The following PTK2B variants were observed in gnomAD, a reference collection of about 807,000 sequenced individuals.
PTK2B encodes the protein protein-tyrosine kinase 2-beta.
A neutral mutation model predicts 142.9 loss-of-function variants in PTK2B; 71 were observed. That is an observed-to-expected ratio of 0.50 (90% CI 0.41 to 0.61). The LOEUF (loss-of-function observed/expected upper bound fraction) is 0.61. PTK2B is among the 20% of genes least tolerant of loss of function. The pLI is 0.00. For synonymous variants in PTK2B, 519 were observed against 503.4 expected (o/e 1.03, Z -0.42); for missense variants, 1,105 against 1,320.4 (o/e 0.84, Z 2.53).
At chr8:27,425,675 A>G (rs35609762) in intron 5 of PTK2B, among the ~76,000 whole-genome samples, 60,790 of 151,956 alleles carry the variant, frequency 0.4, 12,421 homozygotes, top group South Asian at 0.53. Context: ...TTGGTATTGT[A>G]TGTTCTATGG....
chr8:27,366,737 A>G (rs1294122864), intron 1 of PTK2B, among the ~76,000 whole-genome samples: 4 of 152,192 alleles, frequency 2.6e-5, no homozygotes, highest in African/African-American at 9.7e-5. Flanking sequence ...CACACACAAC[A>G]GAGGCTAGGA....
chr8:27,433,509 G>T lies in PTK2B; in HGVS notation c.1062G>T (p.Leu354=). The change falls in exon 11 of 31, where the codon CTG becomes CTT. Residue 354 remains leucine, a synonymous_variant. Transcript: ENST00000346049. ...MADLIDGYCR[L]QGEHQGSLII... ...ACCTCATAGACGGCTACTGCCGGCT[G>T]CAGGGTGAGCACCAAGGCTCTCTCA... is the stretch of plus-strand genomic sequence containing the variant. 1 of 1,614,194 alleles carries T rather than the reference G, an allele frequency of 6.2e-7. No individual in the cohort carries two copies. The highest frequency in any genetic ancestry group is 1.1e-5 in the South Asian group (1 of 91,086).
intron 1 of PTK2B, among the ~76,000 whole-genome samples, chr8:27,362,497 T>C (rs1805770960): frequency 6.6e-6 from 1 of 152,176 alleles, no homozygotes; most frequent in Non-Finnish European, 1.5e-5. Context: ...CTGTTTTTGC[T>C]GAGAGATGAC....
rs1811247719 is a variant in PTK2B at position 27,442,973 on chromosome 8, C to A, written c.2138C>A (p.Pro713His). ...TTGGAGCCCACAGCCTTCCAGGAAC[C>A]CCCACCCAAGGTAAGCCAAGCCATG... ...KILEPTAFQE[P>H]PPKPSRPKYR... is the part of the protein sequence containing the mutation. Residue 713 changes from proline (P) to histidine (H), a missense_variant, in exon 22 of 31, where the codon CCC becomes CAC. Coordinates refer to ENST00000346049, the MANE Select transcript of PTK2B (RefSeq NM_173176.3). The A allele has an allele frequency of 1.9e-6, 3 of 1,613,564 alleles. No homozygotes were observed. The highest frequency in any genetic ancestry group is 2.5e-6 in the Non-Finnish European group (3 of 1,179,524).
chr8:27,413,401 G>T (rs1358724348), intron 2 of PTK2B, among the ~76,000 whole-genome samples: 2 of 152,202 alleles, frequency 1.3e-5, no homozygotes, highest in Non-Finnish European at 2.9e-5. Context: ...TGTTTTTCCT[G>T]TCTGATCCAG....
intron 1 of PTK2B, among the ~76,000 whole-genome samples, chr8:27,388,331 G>C (rs1039457853): frequency 6.6e-6 from 1 of 152,242 alleles, no homozygotes; most frequent in Non-Finnish European, 1.5e-5. Context: ...AAGAGGAGAA[G>C]TTGGAGGATA....
At chr8:27,333,961 C>T (rs1230669676) in intron 1 of PTK2B, among the ~76,000 whole-genome samples, 3 of 151,998 alleles carry the variant, frequency 2.0e-5, no homozygotes, top group East Asian at 1.9e-4. Context: ...CCTTTTCTCA[C>T]GCCAAACCAT....
At chr8:27,392,419 A>G (rs1418226900) in intron 1 of PTK2B, among the ~76,000 whole-genome samples, 1 of 151,950 alleles carries the variant, frequency 6.6e-6, no homozygotes, top group Non-Finnish European at 1.5e-5. Flanking sequence ...AGTCATGATG[A>G]TAGAGCCTTT....
upstream of PTK2B, among the ~76,000 whole-genome samples, chr8:27,325,182 C>T (rs1281734719): frequency 6.6e-6 from 1 of 152,166 alleles, no homozygotes; most frequent in South Asian, 2.1e-4. Flanking sequence ...TTGGGAGAAC[C>T]AGCCTGAGAA....
intron 1 of PTK2B, among the ~76,000 whole-genome samples, chr8:27,373,403 A>G (rs1262699177): frequency 1.3e-5 from 2 of 151,908 alleles, no homozygotes; most frequent in African/African-American, 2.4e-5. Context: ...TGGTGGGAAA[A>G]CTCTTCCCCC....
chr8:27,329,797 C>G (rs899166349), intron 1 of PTK2B, among the ~76,000 whole-genome samples: 9 of 152,112 alleles, frequency 5.9e-5, no homozygotes, highest in African/African-American at 2.2e-4. Flanking sequence ...GTCAGTCTGC[C>G]TGGGTTCCAG....
chr8:27,401,260 AGAGAACCAG>A (rs80161214), intron 2 of PTK2B, among the ~76,000 whole-genome samples: 58,088 of 151,688 alleles, frequency 0.38, 11,764 homozygotes, highest in Middle Eastern at 0.51. Flanking sequence ...AACAAGAGCA[AGAGAACCAG>A]GAGAACCAGG....
intron 1 of PTK2B, among the ~76,000 whole-genome samples, chr8:27,385,365 ACT>A (rs1192899878): frequency 6.6e-6 from 1 of 152,120 alleles, no homozygotes; most frequent in Non-Finnish European, 1.5e-5. Context: ...ACTGCCAGAC[ACT>A]CTGGGCTCTT....
Position 27,391,058 on chromosome 8 carries a change from T to A in PTK2B, c.-37-6490T>A, listed in dbSNP as rs1183443063. 2.7e-5 allele frequency among the ~76,000 whole-genome samples: 4 copies of A among 149,766 alleles called. No homozygotes were observed. The South Asian group carries it at 6.3e-4, about 24-fold the overall frequency. ...CTGACTAATGGGCCCCTTTCCACTC[T>A]CTCTCAAATCAGGAACAGAACCTTT... On this transcript the variant is annotated intron_variant, in intron 1 of 30. Coordinates refer to ENST00000346049, the MANE Select transcript of PTK2B (RefSeq NM_173176.3).
rs1386824791 is a variant in PTK2B, at chr8:27,454,630, A to G, written c.2814+19A>G. The G allele has an allele frequency of 6.2e-7, 1 of 1,611,018 alleles. No individual in the cohort carries two copies. Among genetic ancestry groups the G allele is most frequent in the Non-Finnish European group, 8.5e-7 (1 of 1,177,344 alleles). On this transcript the variant is annotated intron_variant, in intron 30 of 30. Coordinates refer to ENST00000346049, the MANE Select transcript of PTK2B (RefSeq NM_173176.3). ...GACAGAGGTGAGCGTCCCATTCCAG[A>G]CAGCACCATAGGCTGTTGCTTTGCT...
intron 2 of PTK2B, among the ~76,000 whole-genome samples, chr8:27,408,346 A>G (rs1808851645): frequency 6.6e-6 from 1 of 152,252 alleles, no homozygotes; most frequent in African/African-American, 2.4e-5. Context: ...ACCCAGCAGG[A>G]AGGAACACTG....
At chr8:27,354,008 T>G (rs1805255241) in intron 1 of PTK2B, among the ~76,000 whole-genome samples, 1 of 152,122 alleles carries the variant, frequency 6.6e-6, no homozygotes, top group African/African-American at 2.4e-5. Flanking sequence ...GTGGTGGGAA[T>G]CAGGACCTCA....
At chr8:27,326,119 C>A (rs1173406967) in intron 1 of PTK2B, among the ~76,000 whole-genome samples, 1 of 152,112 alleles carries the variant, frequency 6.6e-6, no homozygotes, top group Non-Finnish European at 1.5e-5. Flanking sequence ...CCCCAGCCCA[C>A]CCTGACTCTC....
intron 3 of PTK2B, among the ~76,000 whole-genome samples, chr8:27,317,733 C>T (rs909861061): frequency 6.6e-6 from 1 of 152,188 alleles, no homozygotes; most frequent in Non-Finnish European, 1.5e-5. Context: ...TGCCACAGTT[C>T]CTATCCAGCC....
Sources: allele counts gnomAD v4.1 joint callset (sites outside exome capture counted in the v4.1 genomes callset), GRCh38; gene constraint gnomAD v4.1.1; transcripts MANE v1.5; gene names NCBI Gene and HGNC (gene_info 2026-07-23, HGNC 2026-07-21).